The following STARD9 variants were observed in gnomAD, a reference collection of about 807,000 sequenced individuals.
The protein encoded by STARD9 is stAR-related lipid transfer protein 9.
STARD9 carries 346 observed loss-of-function variants against 399.8 expected under a neutral mutation model. That is an observed-to-expected ratio of 0.87 (90% CI 0.79 to 0.95). The LOEUF (loss-of-function observed/expected upper bound fraction) is 0.95. Ranked by LOEUF, STARD9 falls within the 40% of genes least tolerant of loss-of-function variation. The probability of loss-of-function intolerance (pLI) is 0.00; values close to 1 mark genes in which losing one functional copy is unlikely to be tolerated. For missense variants in STARD9, 5,832 were observed against 5,667.5 expected, an observed-to-expected ratio of 1.03 and a Z score of -0.93; for synonymous variants, 2,203 against 2,143.5, an observed-to-expected ratio of 1.03 and a Z score of -0.77.
At chr15:42,583,295 T>C in intron 1 of STARD9, 51 bp from the exon 2 acceptor site, 1 of 1,429,194 alleles carries the variant, frequency 7.0e-7, no homozygotes, top group Non-Finnish European at 9.5e-7. Context: ...TAGGCTCTTT[T>C]TTCTTGATTT....
intron 9 of STARD9, among the ~76,000 whole-genome samples, chr15:42,658,478 T>C (rs1381896576): frequency 6.7e-6 from 1 of 149,078 alleles, no homozygotes; most frequent in Admixed American, 6.7e-5. Flanking sequence ...GCCTGGCCTT[T>C]TGCACTTTTT....
At chr15:42,659,854 A>G (rs1313047943) in intron 9 of STARD9, among the ~76,000 whole-genome samples, 2 of 152,096 alleles carry the variant, frequency 1.3e-5, no homozygotes, top group East Asian at 1.9e-4. Flanking sequence ...TACCTACCAT[A>G]TGACCCAGCA....
chr15:42,621,526 CT>C (rs1437508018), intron 3 of STARD9, among the ~76,000 whole-genome samples: 2 of 152,114 alleles, frequency 1.3e-5, no homozygotes, highest in Non-Finnish European at 2.9e-5. Flanking sequence ...TTGGATAACA[CT>C]TTTGGACAGA....
chr15:42,593,726 C>T (rs2058447594), intron 3 of STARD9, among the ~76,000 whole-genome samples: 1 of 118,326 alleles, frequency 8.5e-6, no homozygotes, highest in Non-Finnish European at 1.6e-5. Flanking sequence ...TGCAGTGGTA[C>T]AATCTCGGCT....
chr15:42,716,891 C>T (rs1230569628), intron 27 of STARD9, 36 bp from the exon 28 acceptor site: 1 of 1,536,510 alleles, frequency 6.5e-7, no homozygotes, highest in South Asian at 1.2e-5. Context: ...CCCTGATGTT[C>T]AGTGCTATCA....
chr15:42,596,343 A>T (rs974167438), intron 3 of STARD9, among the ~76,000 whole-genome samples: 1 of 152,166 alleles, frequency 6.6e-6, no homozygotes. Flanking sequence ...CACCCTTTGC[A>T]CCTTAAACTT....
rs1160092079 is a variant in STARD9, at chr15:42,686,005, T to G, written c.4427T>G (p.Val1476Gly). ...GCCTCTGCCACCACCTTGACTCATGTAGGCAGCACCCATGAAAGGGATTGG... is the reference window on the plus strand; with the variant it reads ...GCCTCTGCCACCACCTTGACTCATGGAGGCAGCACCCATGAAAGGGATTGG... The part of the protein sequence containing the change: ...LAASATTLTH[V>G]GSTHERDWSA... Residue 1476 changes from valine to glycine, a missense_variant, in exon 23 of 33, where the codon GTA becomes GGA. By Grantham distance (109) the Val-to-Gly change is moderately radical. Around this residue, in one of 2 missense-constraint regions of STARD9, gnomAD observed 5,828 missense variants for 5,651.1 expected, o/e 1.03. Coordinates refer to ENST00000290607, the MANE Select transcript of STARD9 (RefSeq NM_020759.3). 2 of 1,537,334 alleles carry G rather than the reference T, an allele frequency of 1.3e-6. No homozygotes were observed. Among genetic ancestry groups the G allele is most frequent in the South Asian group, 1.2e-5 (1 of 84,056 alleles).
At chr15:42,666,669 A>T (rs983517082) in intron 15 of STARD9, among the ~76,000 whole-genome samples, 2 of 152,112 alleles carry the variant, frequency 1.3e-5, no homozygotes, top group East Asian at 3.9e-4. Context: ...AATTAATATG[A>T]TAGTTGTATG....
rs1052615840 is a variant in STARD9, at chr15:42,685,345, C to T, written c.3767C>T (p.Pro1256Leu). The change falls in exon 23 of 33, where the codon CCC (proline) becomes CTC (leucine). Residue 1256 changes from proline to leucine, a missense_variant. By Grantham distance (98) the Pro-to-Leu change is moderately conservative. Transcript: ENST00000290607. ...MDQEAICRLG[P>L]INYRTAARLD... Reference sequence around the variant, plus strand: ...CAAGAGGCAATATGCAGGCTTGGTCCCATCAACTACAGAACAGCAGCTAGG... The same window carrying T: ...CAAGAGGCAATATGCAGGCTTGGTCTCATCAACTACAGAACAGCAGCTAGG... 3 of 1,537,204 alleles carry T rather than the reference C, an allele frequency of 2.0e-6. No individual in the cohort carries two copies. The highest frequency in any genetic ancestry group is 1.4e-5 in the African/African-American group (1 of 73,040).
intron 7 of STARD9, among the ~76,000 whole-genome samples, chr15:42,649,446 T>G (rs1397820795): frequency 6.6e-6 from 1 of 152,260 alleles, no homozygotes; most frequent in Non-Finnish European, 1.5e-5. Flanking sequence ...AACTTTATAT[T>G]GAGTTTTTAT....
chr15:42,663,645 C>T (rs1178539215), intron 12 of STARD9, 155 bp downstream of exon 12: 1 of 611,748 alleles, frequency 1.6e-6, no homozygotes, highest in East Asian at 2.7e-5. Flanking sequence ...GAGTGGGATG[C>T]CAGAGCTGGA....
chr15:42,631,874 T>A (rs955836168), intron 3 of STARD9, among the ~76,000 whole-genome samples: 2 of 152,184 alleles, frequency 1.3e-5, no homozygotes, highest in African/African-American at 4.8e-5. Context: ...GGTCTATTCT[T>A]GAGAATGATC....
At position 42,687,407 on chromosome 15, in the gene STARD9, T is replaced by C; in HGVS notation, c.5829T>C (p.Ser1943=). The change falls in exon 23 of 33, where the codon AGT becomes AGC. Residue 1943 remains serine (S), a synonymous_variant. Transcript: ENST00000290607. ...TTGAGAAAGACATGCCAGGGGAAAGTGCTGTTTCTTTGAAATCCAGATCAG... is the reference window on the plus strand; with the variant it reads ...TTGAGAAAGACATGCCAGGGGAAAGCGCTGTTTCTTTGAAATCCAGATCAG... ...VSLEKDMPGE[S]AVSLKSRSVD... 1 of 1,536,922 alleles carries C rather than the reference T, an allele frequency of 6.5e-7. No individual in the cohort carries two copies. The highest frequency in any genetic ancestry group is 8.7e-7 in the Non-Finnish European group (1 of 1,146,888).
At chr15:42,681,697 T>C (rs929857098) in intron 21 of STARD9, 85 bp downstream of exon 21, 3 of 1,232,566 alleles carry the variant, frequency 2.4e-6, no homozygotes, top group Admixed American at 5.7e-5. Flanking sequence ...TTCTCTCTTT[T>C]GTTTTCTTTG....
Position 42,687,264 on chromosome 15 carries a change from G to C in STARD9, c.5686G>C (p.Gly1896Arg), listed in dbSNP as rs567976615. 1 of 1,536,876 alleles carries C rather than the reference G, an allele frequency of 6.5e-7. No homozygotes were observed. The highest frequency in any genetic ancestry group is 1.4e-5 in the African/African-American group (1 of 73,148). ...AGAGGTCACTGCTCAGTCCTGTTGC[G>C]GTGCTTCCTCAGACAGCACTGAGTC... is the stretch of plus-strand genomic sequence containing the variant. The part of the protein sequence containing the change: ...GGEVTAQSCC[G>R]ASSDSTESGK... Residue 1896 changes from glycine to arginine, a missense_variant, in exon 23 of 33, where the codon GGT becomes CGT. Gly to Arg is a moderately radical substitution (Grantham distance 125). Around this residue, in one of 2 missense-constraint regions of STARD9, gnomAD observed 5,828 missense variants for 5,651.1 expected, o/e 1.03. Coordinates refer to ENST00000290607, the MANE Select transcript of STARD9 (RefSeq NM_020759.3).
intron 9 of STARD9, among the ~76,000 whole-genome samples, chr15:42,653,247 T>C (rs879383197): frequency 6.6e-6 from 1 of 152,190 alleles, no homozygotes; most frequent in Non-Finnish European, 1.5e-5. Flanking sequence ...TCACTTCCAT[T>C]GTGATGGATT....
chr15:42,615,200 G>A (rs1040637461), intron 3 of STARD9, among the ~76,000 whole-genome samples: 1 of 151,846 alleles, frequency 6.6e-6, no homozygotes, highest in Non-Finnish European at 1.5e-5. Flanking sequence ...AGTAGAGAGA[G>A]CGTTTCACTA....
At chr15:42,705,814 G>A (rs1384273051) in intron 26 of STARD9, among the ~76,000 whole-genome samples, 1 of 151,862 alleles carries the variant, frequency 6.6e-6, no homozygotes, top group African/African-American at 2.4e-5. Context: ...GTGCAGGGGC[G>A]TGATCTCAGC....
chr15:42,606,234 A>C (rs1191092757), intron 3 of STARD9, among the ~76,000 whole-genome samples: 1 of 152,204 alleles, frequency 6.6e-6, no homozygotes, highest in Non-Finnish European at 1.5e-5. Flanking sequence ...GCCCAGTTTT[A>C]GTCCATTCTA....
Sources: gnomAD v4.1 joint callset for allele counts (sites outside exome capture counted in the v4.1 genomes callset) on GRCh38, gnomAD v4.1.1 for gene constraint, gnomAD v4.1.1 regional missense constraint, MANE v1.5 for transcripts, NCBI Gene and HGNC (gene_info 2026-07-23, HGNC 2026-07-21) for gene names.